Variants in ANK2 observed in about 807,000 individuals in gnomAD.
ANK2 encodes ankyrin-2.
A neutral mutation model predicts 360.5 loss-of-function variants in ANK2; 83 were observed. That is an observed-to-expected ratio of 0.23 (90% confidence interval 0.19 to 0.28). ANK2 has a LOEUF of 0.28. Ranked by LOEUF, ANK2 falls within the 10% of genes least tolerant of loss-of-function variation. The probability of loss-of-function intolerance (pLI) is 1.00; values close to 1 mark genes in which losing one functional copy is unlikely to be tolerated. For synonymous variants in ANK2, 1,740 were observed against 1,759.5 expected (o/e 0.99, Z 0.28); for missense variants, 4,201 against 4,795.7 (o/e 0.88, Z 3.66).
At chr4:113,007,896 A>C (rs958983221) in intron 2 of ANK2, among the ~76,000 whole-genome samples, 3 of 152,182 alleles carry the variant, frequency 2.0e-5, no homozygotes, top group Non-Finnish European at 4.4e-5. Context: ...AAAAAGATGC[A>C]ATATACATAA....
At chr4:112,996,769 T>C (rs1175030042) in intron 2 of ANK2, among the ~76,000 whole-genome samples, 1 of 152,192 alleles carries the variant, frequency 6.6e-6, no homozygotes, top group Non-Finnish European at 1.5e-5. Flanking sequence ...TTTTAAAATG[T>C]ACAATTAAGT....
upstream of ANK2, chr4:113,049,624 C>CCCT: frequency 2.0e-6 from 3 of 1,494,918 alleles, no homozygotes; most frequent in Non-Finnish European, 1.8e-6. Context: ...CCTTCCCCAC[C>CCCT]CCTCCTCCTC....
chr4:112,914,500 G>A (rs1471598192), intron 2 of ANK2, among the ~76,000 whole-genome samples: 1 of 152,062 alleles, frequency 6.6e-6, no homozygotes, highest in Non-Finnish European at 1.5e-5. Flanking sequence ...GCACAAGCCC[G>A]TAATCCCAGC....
intron 1 of ANK2, among the ~76,000 whole-genome samples, chr4:112,833,453 G>A (rs909609138): frequency 1.6e-4 from 24 of 151,920 alleles, no homozygotes; most frequent in East Asian, 3.9e-4. Flanking sequence ...TTGATGATAC[G>A]TGATGCACCT....
At chr4:113,277,333 C>A (rs528392036) in intron 15 of ANK2, among the ~76,000 whole-genome samples, 1 of 152,226 alleles carries the variant, frequency 6.6e-6, no homozygotes, top group East Asian at 1.9e-4. Context: ...ATTTATCTTG[C>A]CATTTCTGCA....
At chr4:112,799,636 C>A in the ANK2 span, among the ~76,000 whole-genome samples, 1 of 152,018 alleles carries the variant, frequency 6.6e-6, no homozygotes, top group Non-Finnish European at 1.5e-5. Context: ...CCTGCCTCAG[C>A]CTCTCTAGTA....
chr4:112,724,544 GACACACACACATAC>G, the ANK2 span, among the ~76,000 whole-genome samples: 1 of 115,926 alleles, frequency 8.6e-6, no homozygotes, highest in African/African-American at 3.4e-5. Flanking sequence ...CAAATATATA[GACACACACACATAC>G]ACACACACAC....
intron 2 of ANK2, among the ~76,000 whole-genome samples, chr4:112,958,926 G>T (rs1027775398): frequency 7.9e-5 from 12 of 151,790 alleles, no homozygotes; most frequent in African/African-American, 2.9e-4. Context: ...TTGGCTCACT[G>T]CAACTTCCGC....
chr4:113,354,225 G>A lies in ANK2; in HGVS notation c.5607G>A (p.Ala1869=), dbSNP rs760246803. 5.2e-5 allele frequency: 84 copies of A among 1,613,736 alleles called. 1 individual carries two copies. In the East Asian group the frequency reaches 7.4e-4, roughly 14 times the overall value. The change falls in exon 38 of 46, where the codon GCG becomes GCA. Residue 1869 remains alanine (A), a synonymous_variant. Coordinates refer to ENST00000357077, the MANE Select transcript of ANK2 (RefSeq NM_001148.6). ...CAAAAACGGAAAGACATTCACCTGC[G>A]TCATCATCGAGTAAAACTGAGAAAC... ...PSAKTERHSP[A]SSSSKTEKHS... is the part of the protein sequence containing the mutation.
At chr4:113,151,868 C>A (rs1428256063) in intron 1 of ANK2, among the ~76,000 whole-genome samples, 10 of 146,876 alleles carry the variant, frequency 6.8e-5, no homozygotes, top group African/African-American at 2.3e-4. Flanking sequence ...GAGTTCAAGA[C>A]CCCCTGGGAA....
At chr4:113,018,361 T>C (rs190715868) in intron 2 of ANK2, among the ~76,000 whole-genome samples, 56 of 152,340 alleles carry the variant, frequency 3.7e-4, no homozygotes, top group Non-Finnish European at 6.6e-4. Flanking sequence ...AAATGCATGA[T>C]TTTACTTTGG....
chr4:113,189,443 G>T (rs1158126903), intron 2 of ANK2, among the ~76,000 whole-genome samples: 2 of 152,044 alleles, frequency 1.3e-5, no homozygotes, highest in Non-Finnish European at 2.9e-5. Context: ...TATAGACTTG[G>T]TTTCTAGCAC....
chr4:113,016,418 T>C, intron 2 of ANK2, among the ~76,000 whole-genome samples: 1 of 152,238 alleles, frequency 6.6e-6, no homozygotes, highest in Non-Finnish European at 1.5e-5. Context: ...TGCAAGACAG[T>C]TTTGGTATAA....
chr4:112,957,004 C>CTT (rs2095360544), intron 2 of ANK2, among the ~76,000 whole-genome samples: 3 of 92,456 alleles, frequency 3.2e-5, no homozygotes, highest in African/African-American at 8.5e-5. Context: ...CACTATTGCT[C>CTT]TTGTTTTTTT....
intron 2 of ANK2, among the ~76,000 whole-genome samples, chr4:112,936,037 G>A (rs115346091): frequency 0.012 from 1,759 of 152,348 alleles, 32 homozygotes; most frequent in African/African-American, 0.04. Flanking sequence ...GTTAGTCTCA[G>A]AAAGACTGTT....
At chr4:112,873,319 C>CT (rs202024785) in intron 1 of ANK2, among the ~76,000 whole-genome samples, 1,681 of 151,600 alleles carry the variant, frequency 0.011, 21 homozygotes, top group African/African-American at 0.029. Context: ...GACCTAAGAT[C>CT]TTTTTTTGTT....
At chr4:113,112,362 C>T (rs1276828426) in intron 1 of ANK2, among the ~76,000 whole-genome samples, 1 of 152,164 alleles carries the variant, frequency 6.6e-6, no homozygotes, top group Non-Finnish European at 1.5e-5. Flanking sequence ...GGCTGTTGCA[C>T]ACTCATCTTT....
At chr4:113,368,271 T>G (rs1019100661) in intron 42 of ANK2, among the ~76,000 whole-genome samples, 3 of 152,212 alleles carry the variant, frequency 2.0e-5, no homozygotes, top group Non-Finnish European at 2.9e-5. Flanking sequence ...GCACTTCAAA[T>G]ATGCTCTGTA....
intron 2 of ANK2, among the ~76,000 whole-genome samples, chr4:113,186,921 T>C (rs188492544): frequency 6.6e-6 from 1 of 152,048 alleles, no homozygotes; most frequent in Non-Finnish European, 1.5e-5. Context: ...TTAGTCCCCA[T>C]ACTCAGTTCA....
Sources: allele counts gnomAD v4.1 joint callset (sites outside exome capture counted in the v4.1 genomes callset), GRCh38; gene constraint gnomAD v4.1.1; transcripts MANE v1.5; gene names NCBI Gene and HGNC (gene_info 2026-07-23, HGNC 2026-07-21).